IQCM: variants seen among roughly 807,000 people sequenced by gnomAD.
IQCM encodes IQ domain-containing protein M.
A neutral mutation model predicts 57.6 loss-of-function variants in IQCM; 45 were observed. That is an observed-to-expected ratio of 0.78 (90% confidence interval 0.62 to 1.00). The LOEUF (loss-of-function observed/expected upper bound fraction) is 1.00, where lower values mean the gene tolerates loss of function less well. Ranked by LOEUF, IQCM falls within the 50% of genes least tolerant of loss-of-function variation. IQCM has a pLI of 0.00. For synonymous variants in IQCM, 148 were observed against 158.9 expected, an observed-to-expected ratio of 0.93 and a Z score of 0.51; for missense variants, 468 against 511.6, an observed-to-expected ratio of 0.91 and a Z score of 0.82.
chr4:149,431,211 A>G (rs2048517079), intron 13 of IQCM, among the ~76,000 whole-genome samples: 1 of 152,044 alleles, frequency 6.6e-6, no homozygotes, highest in Admixed American at 6.6e-5. Flanking sequence ...TTTCAAAAAG[A>G]AGAAGAAAAG....
chr4:149,557,559 T>A (rs1468917650), intron 10 of IQCM, among the ~76,000 whole-genome samples: 1 of 152,110 alleles, frequency 6.6e-6, no homozygotes, highest in Non-Finnish European at 1.5e-5. Flanking sequence ...TACCTCAATC[T>A]CCTCGAACAT....
At chr4:149,519,239 C>A (rs7696612) in intron 12 of IQCM, among the ~76,000 whole-genome samples, 32,496 of 151,980 alleles carry the variant, frequency 0.21, 4,368 homozygotes, top group Non-Finnish European at 0.29. Context: ...TTTGACTGTA[C>A]CATTTTGAAT....
chr4:149,655,702 CAA>C (rs907931620), intron 7 of IQCM, among the ~76,000 whole-genome samples: 1 of 151,776 alleles, frequency 6.6e-6, no homozygotes, highest in African/African-American at 2.4e-5. Flanking sequence ...AATGCAATTC[CAA>C]AAAATATGTA....
intron 2 of IQCM, among the ~76,000 whole-genome samples, chr4:149,772,334 T>C (rs1770661709): frequency 6.6e-6 from 1 of 152,162 alleles, no homozygotes; most frequent in Non-Finnish European, 1.5e-5. Context: ...GTAATTTTGA[T>C]AGAAAAATAA....
At chr4:149,725,397 G>C (rs1186514078) in intron 5 of IQCM, among the ~76,000 whole-genome samples, 1 of 152,084 alleles carries the variant, frequency 6.6e-6, no homozygotes, top group African/African-American at 2.4e-5. Context: ...TTTAAAAATA[G>C]ATCCAAAGTA....
intron 5 of IQCM, among the ~76,000 whole-genome samples, chr4:149,699,307 C>CA (rs1249132526): frequency 6.6e-6 from 1 of 151,820 alleles, no homozygotes; most frequent in East Asian, 1.9e-4. Flanking sequence ...CACTCTTCCC[C>CA]AAAAAAGGAA....
At chr4:149,728,934 CG>C (rs1561207167) in intron 5 of IQCM, among the ~76,000 whole-genome samples, 1 of 152,194 alleles carries the variant, frequency 6.6e-6, no homozygotes, top group Non-Finnish European at 1.5e-5. Context: ...TGGCTCCTTA[CG>C]GTCCAGTAAT....
intron 5 of IQCM, among the ~76,000 whole-genome samples, chr4:149,721,441 G>A (rs1303985): frequency 2.0e-5 from 3 of 151,742 alleles, no homozygotes; most frequent in Admixed American, 6.6e-5. Flanking sequence ...TTTAGACCTC[G>A]CCCACCCTCC....
At chr4:149,433,067 A>C (rs1000719728) in intron 13 of IQCM, among the ~76,000 whole-genome samples, 2 of 152,020 alleles carry the variant, frequency 1.3e-5, no homozygotes, top group Non-Finnish European at 2.9e-5. Flanking sequence ...CAGGTTAGCC[A>C]ACAGAAATGC....
intron 10 of IQCM, among the ~76,000 whole-genome samples, chr4:149,557,108 C>T (rs1749664822): frequency 6.6e-6 from 1 of 152,064 alleles, no homozygotes; most frequent in South Asian, 2.1e-4. Flanking sequence ...TCTCTATAGG[C>T]CGTGGTTCTT....
chr4:149,592,491 G>C (rs866144696), intron 8 of IQCM, among the ~76,000 whole-genome samples: 3 of 152,064 alleles, frequency 2.0e-5, no homozygotes, highest in African/African-American at 7.2e-5. Flanking sequence ...TTTGGCTTTT[G>C]TTGCCATTGC....
chr4:149,806,590 C>A (rs1233494817), intron 2 of IQCM, among the ~76,000 whole-genome samples: 1 of 151,924 alleles, frequency 6.6e-6, no homozygotes, highest in Non-Finnish European at 1.5e-5. Context: ...ATTTGTCTTT[C>A]TATGCCTAGA....
chr4:149,591,475 A>G (rs1753163386), intron 8 of IQCM, among the ~76,000 whole-genome samples: 1 of 151,770 alleles, frequency 6.6e-6, no homozygotes, highest in Non-Finnish European at 1.5e-5. Flanking sequence ...TTAATACTTT[A>G]AGTTCTAGGG....
intron 5 of IQCM, among the ~76,000 whole-genome samples, chr4:149,697,440 G>A (rs1763426854): frequency 6.6e-6 from 1 of 152,038 alleles, no homozygotes; most frequent in Non-Finnish European, 1.5e-5. Context: ...AGAGTTGATT[G>A]TTAATTATAA....
chr4:149,428,277 T>C (rs999470930), intron 13 of IQCM, among the ~76,000 whole-genome samples: 16 of 151,932 alleles, frequency 1.1e-4, no homozygotes, highest in African/African-American at 3.9e-4. Flanking sequence ...AATTCTGGGA[T>C]GCGTATTTTT....
chr4:149,537,450 A>G (rs1747409732), intron 12 of IQCM, among the ~76,000 whole-genome samples: 2 of 151,948 alleles, frequency 1.3e-5, no homozygotes, highest in Admixed American at 1.3e-4. Flanking sequence ...ATGTAAAAAT[A>G]AACAGCACCA....
At chr4:149,689,966 AT>A (rs1303562361) in intron 5 of IQCM, among the ~76,000 whole-genome samples, 2 of 152,162 alleles carry the variant, frequency 1.3e-5, no homozygotes, top group African/African-American at 2.4e-5. Flanking sequence ...GCTGGTGGGA[AT>A]GTAAACTAAT....
chr4:149,489,165 G>T (rs1741831575), intron 12 of IQCM, among the ~76,000 whole-genome samples: 1 of 152,064 alleles, frequency 6.6e-6, no homozygotes, highest in Non-Finnish European at 1.5e-5. Flanking sequence ...AGGAGGTAAT[G>T]GAATGGAATT....
intron 12 of IQCM, among the ~76,000 whole-genome samples, chr4:149,467,398 G>A (rs1458893779): frequency 1.3e-5 from 2 of 152,126 alleles, no homozygotes; most frequent in African/African-American, 4.8e-5. Context: ...TATATACTAT[G>A]TCCCGGGCAC....
Sources: allele counts gnomAD v4.1 joint callset (sites outside exome capture counted in the v4.1 genomes callset), GRCh38; gene constraint gnomAD v4.1.1; transcripts MANE v1.5; gene names NCBI Gene and HGNC (gene_info 2026-07-23, HGNC 2026-07-21).